Variants in KMO observed in about 807,000 individuals in gnomAD.
KMO encodes kynurenine 3-hydroxylase.
In KMO, 24 loss-of-function variants were observed where a neutral mutation model predicts 57.8. The ratio of observed to expected loss-of-function variants is 0.42; its 90% CI spans 0.30 to 0.58. The LOEUF (loss-of-function observed/expected upper bound fraction) is 0.58, where lower values mean the gene tolerates loss of function less well. Among genes scored for constraint, KMO ranks in the 20% least tolerant of loss-of-function variants. KMO has a pLI of 0.22. For synonymous variants in KMO, 210 were observed against 193.6 expected, an observed-to-expected ratio of 1.08 and a Z score of -0.70; for missense variants, 483 against 588.2, an observed-to-expected ratio of 0.82 and a Z score of 1.85.
At chr1:241,581,047 T>C (rs181090554) in intron 10 of KMO, among the ~76,000 whole-genome samples, 1 of 152,146 alleles carries the variant, frequency 6.6e-6, no homozygotes, top group Non-Finnish European at 1.5e-5. Context: ...TATATTCTCT[T>C]ACCAAATTGA....
chr1:241,589,847 C>T (rs931455182), intron 12 of KMO, among the ~76,000 whole-genome samples, 165 bp from the exon 13 acceptor site: 3 of 152,062 alleles, frequency 2.0e-5, no homozygotes, highest in South Asian at 2.1e-4. Context: ...CCTATATGAC[C>T]GACATTTACC....
Position 241,587,230 on chromosome 1 carries a change from G to A in KMO, c.1015+494G>A, listed in dbSNP as rs373854247. Among the ~76,000 whole-genome samples the A allele has an allele frequency of 3.0e-4, 46 of 152,286 alleles. 1 individual carries two copies. In the East Asian group the frequency reaches 3.1e-3, roughly 10 times the overall value. ...AAGGAGCGTGCAAGCTAGATGTCTC[G>A]CCTGTGCAGTTCACAATAGGGTTCA... On this transcript the variant is annotated intron_variant, in intron 11 of 14. Transcript: ENST00000366559.
chr1:241,582,284 C>A (rs1203593142), intron 10 of KMO, among the ~76,000 whole-genome samples: 1 of 152,052 alleles, frequency 6.6e-6, no homozygotes, highest in African/African-American at 2.4e-5. Context: ...TTATGATCTT[C>A]TTGTAGCTGG....
chr1:241,591,073 T>A (rs1031471246), intron 14 of KMO, among the ~76,000 whole-genome samples: 3 of 152,072 alleles, frequency 2.0e-5, no homozygotes, highest in Admixed American at 6.6e-5. Flanking sequence ...TAGAAAGATG[T>A]CTATATGGAG....
rs1660967833 is a variant in KMO, at chr1:241,541,804, T to C, written c.55-7025T>C. 2.0e-5 allele frequency among the ~76,000 whole-genome samples: 3 copies of C among 152,310 alleles called. No homozygotes were observed. In the East Asian group the frequency reaches 5.8e-4, roughly 29 times the overall value. ...TCTGATTCTTCTCATTGCATTGATA[T>C]ACCCAAAGATCAAAATCTTGAGACG... On this transcript the variant is annotated intron_variant, in intron 1 of 14. Transcript: ENST00000366559.
At chr1:241,555,715 A>AG in intron 5 of KMO, 55 bp downstream of exon 5, 2 of 1,022,660 alleles carry the variant, frequency 2.0e-6, no homozygotes, top group African/African-American at 1.6e-5. Flanking sequence ...ACATGACACT[A>AG]ATCTTGTCAT....
chr1:241,549,252 A>AGAACGAAAGAAAGTCG (rs1558414877), intron 2 of KMO, among the ~76,000 whole-genome samples: 5 of 17,376 alleles, frequency 2.9e-4, no homozygotes, highest in Non-Finnish European at 6.2e-4. Context: ...AAAGAAAGAA[A>AGAACGAAAGAAAGTCG]GAAAGAAAGA....
At chr1:241,573,614 A>T (rs1476439514) in intron 10 of KMO, among the ~76,000 whole-genome samples, 1 of 152,020 alleles carries the variant, frequency 6.6e-6, no homozygotes, top group African/African-American at 2.4e-5. Context: ...TGGGTTATCT[A>T]TTCTGTTCCA....
chr1:241,579,952 A>G (rs956097215), intron 10 of KMO, among the ~76,000 whole-genome samples: 4 of 152,118 alleles, frequency 2.6e-5, no homozygotes, highest in African/African-American at 9.7e-5. Context: ...GGAATGTCCA[A>G]AAGTCTCTTC....
At chr1:241,545,485 T>C (rs1194701378) in intron 1 of KMO, among the ~76,000 whole-genome samples, 1 of 152,124 alleles carries the variant, frequency 6.6e-6, no homozygotes, top group Non-Finnish European at 1.5e-5. Flanking sequence ...CTCCATGGCT[T>C]GTAGATGGAA....
Position 241,592,251 on chromosome 1 carries a change from G to T in KMO, c.*98G>T. ...TGCCATATTTGATTCACTAGTGGAA[G>T]ATAGTGTTCTGCTTATAATTAAACT... On this transcript the variant is annotated 3_prime_UTR_variant, in exon 15 of 15. Transcript: ENST00000366559. 1 of 824,640 alleles carries T rather than the reference G, an allele frequency of 1.2e-6. No homozygotes were observed. Among genetic ancestry groups the T allele is most frequent in the South Asian group, 1.6e-5 (1 of 62,180 alleles). 51.1% of individuals were successfully genotyped at this position (824,640 alleles called of 1,614,324 possible). A position where few individuals can be genotyped will look rare whatever the true frequency, so the allele number is the denominator to read the frequency against.
intron 5 of KMO, among the ~76,000 whole-genome samples, chr1:241,557,245 C>T (rs3014575): frequency 0.84 from 127,084 of 151,848 alleles, 54,206 homozygotes; most frequent in Non-Finnish European, 0.93. Flanking sequence ...AGTCACACAC[C>T]ATGTATCCCT....
chr1:241,587,723 C>A (rs1046882803), intron 11 of KMO, among the ~76,000 whole-genome samples: 1 of 151,752 alleles, frequency 6.6e-6, no homozygotes, highest in African/African-American at 2.4e-5. Flanking sequence ...GGATTATAGG[C>A]GTGAGCCACC....
In KMO at chr1:241,549,678, T is replaced by C. The variant is rs1365927281; in HGVS notation, c.126T>C (p.Asp42=). 1 of 1,607,634 alleles carries C rather than the reference T, an allele frequency of 6.2e-7. No homozygotes were observed. Among genetic ancestry groups the C allele is most frequent in the Non-Finnish European group, 8.5e-7 (1 of 1,174,476 alleles). Residue 42 remains aspartate (D), a splice_region_variant and synonymous_variant, in exon 3 of 15, where the codon GAT becomes GAC. Transcript: ENST00000366559. ...TGGAGTCTGCTTCCAATGTCTCAGA[T>C]ACTCGAGTGGCTACCTTCACACGTG... The part of the protein sequence containing the change: ...FQIDVYEARE[D]TRVATFTRGR...
chr1:241,565,081 C>T (rs974948695), intron 8 of KMO, 23 bp downstream of exon 8: 3 of 1,389,576 alleles, frequency 2.2e-6, no homozygotes, highest in Non-Finnish European at 3.1e-6. Flanking sequence ...TTTTTATCAA[C>T]TGTAATTTTG....
At chr1:241,586,416 T>A in intron 10 of KMO, 1 of 364,476 alleles carries the variant, frequency 2.7e-6, no homozygotes, top group Non-Finnish European at 5.1e-6. Flanking sequence ...CCCAGGCTGA[T>A]CTCAAACTCC....
chr1:241,591,833 T>C (rs1225974113), intron 14 of KMO, 120 bp from the exon 15 acceptor site: 1 of 758,326 alleles, frequency 1.3e-6, no homozygotes, highest in Non-Finnish European at 2.2e-6. Flanking sequence ...GCAAGTAAAT[T>C]GTTGTTTCAG....
Position 241,574,333 on chromosome 1 carries a change from C to T in KMO, c.957+5686C>T, listed in dbSNP as rs563099629. ...GAATAAAAGTGATGAAAATGGGCAT[C>T]CTTGCCTTGTTTCAGTTCTGAAGGG... On this transcript the variant is annotated intron_variant, in intron 10 of 14. Coordinates refer to ENST00000366559, the MANE Select transcript of KMO (RefSeq NM_003679.5). Among the ~76,000 whole-genome samples, 720 of 152,156 alleles carry T rather than the reference C, an allele frequency of 4.7e-3. 8 individuals are homozygous for T. The highest frequency in any genetic ancestry group is 8.3e-3 in the Non-Finnish European group (562 of 67,964).
chr1:241,546,398 A>G lies in KMO; in HGVS notation c.55-2431A>G, dbSNP rs1661151318. The stretch of plus-strand genomic sequence containing the variant: ...GTCTCCTTTTCCTCTCAGTAGAGGT[A>G]TTAGTTCAAATGACCTATTACACCA... On this transcript the variant is annotated intron_variant, in intron 1 of 14. Transcript: ENST00000366559. Among the ~76,000 whole-genome samples, 6 of 152,336 alleles carry G rather than the reference A, an allele frequency of 3.9e-5. No individual in the cohort carries two copies. The South Asian group carries it at 1.2e-3, about 32-fold the overall frequency.
Sources: allele counts gnomAD v4.1 joint callset (sites outside exome capture counted in the v4.1 genomes callset), GRCh38; gene constraint gnomAD v4.1.1; transcripts MANE v1.5; gene names NCBI Gene and HGNC (gene_info 2026-07-23, HGNC 2026-07-21).